PCDHA8: variants seen among roughly 807,000 people sequenced by gnomAD.
PCDHA8 encodes protocadherin alpha 8.
PCDHA8 carries 53 observed loss-of-function variants against 61.8 expected under a neutral mutation model. That is an observed-to-expected ratio of 0.86 (90% CI 0.69 to 1.08). The LOEUF (loss-of-function observed/expected upper bound fraction) is 1.08, where lower values mean the gene tolerates loss of function less well. Among genes scored for constraint, PCDHA8 ranks in the 50% least tolerant of loss-of-function variants. The pLI is 0.00. For synonymous variants in PCDHA8, 618 were observed against 556.6 expected, an observed-to-expected ratio of 1.11 and a Z score of -1.55; for missense variants, 1,293 against 1,245.0, an observed-to-expected ratio of 1.04 and a Z score of -0.58.
chr5:140,862,503 A>T (rs2047399158), intron 1 of PCDHA8: 5 of 398,958 alleles, frequency 1.3e-5, no homozygotes, highest in Non-Finnish European at 2.5e-5. Context: ...CGGAATGGGG[A>T]CTCGCTTTCA....
At chr5:140,938,336 A>G (rs1251086891) in intron 1 of PCDHA8, among the ~76,000 whole-genome samples, 1 of 152,204 alleles carries the variant, frequency 6.6e-6, no homozygotes, top group African/African-American at 2.4e-5. Context: ...ATGTTAATGG[A>G]TAATCTTGTC....
chr5:140,970,948 C>A (rs1339410112), intron 1 of PCDHA8, among the ~76,000 whole-genome samples: 2 of 152,114 alleles, frequency 1.3e-5, no homozygotes, highest in East Asian at 3.8e-4. Flanking sequence ...TGCTGAGAAA[C>A]CATGGGAGGC....
chr5:140,917,152 G>A (rs1407958115), intron 1 of PCDHA8, among the ~76,000 whole-genome samples: 1 of 152,012 alleles, frequency 6.6e-6, no homozygotes, highest in Admixed American at 6.6e-5. Context: ...GCTGCTGGGG[G>A]ATATGGGAGG....
At chr5:140,870,239 G>C (rs781847723) in intron 1 of PCDHA8, 6 of 1,614,134 alleles carry the variant, frequency 3.7e-6, no homozygotes, top group Non-Finnish European at 4.2e-6. Flanking sequence ...CGTGACTCAG[G>C]TGTCAACGGA....
chr5:140,933,677 T>A (rs1024721491), intron 1 of PCDHA8, among the ~76,000 whole-genome samples: 8 of 151,826 alleles, frequency 5.3e-5, no homozygotes, highest in African/African-American at 1.9e-4. Context: ...CTCTCTCACA[T>A]TTTTTTTCCT....
intron 3 of PCDHA8, among the ~76,000 whole-genome samples, chr5:140,984,413 CAGAGAT>C (rs1244237847): frequency 1.3e-5 from 2 of 152,148 alleles, no homozygotes; most frequent in African/African-American, 4.8e-5. Context: ...ATCTTTTTTA[CAGAGAT>C]AGAGAAGGGG....
intron 1 of PCDHA8, among the ~76,000 whole-genome samples, chr5:140,946,349 G>A (rs1412325014): frequency 6.6e-6 from 1 of 151,910 alleles, no homozygotes; most frequent in Non-Finnish European, 1.5e-5. Flanking sequence ...TGGAGAGGAT[G>A]TGGAGAAAAG....
intron 1 of PCDHA8, among the ~76,000 whole-genome samples, chr5:140,919,626 T>C (rs1554199177): frequency 6.6e-6 from 1 of 152,244 alleles, no homozygotes. Flanking sequence ...TTTTGAGTTA[T>C]TTTCACAGTA....
chr5:140,918,579 G>A (rs1396239560), intron 1 of PCDHA8, among the ~76,000 whole-genome samples: 1 of 152,112 alleles, frequency 6.6e-6, no homozygotes, highest in Admixed American at 6.5e-5. Flanking sequence ...GCTGCTATTG[G>A]CTATATGTTC....
intron 1 of PCDHA8, chr5:140,852,259 C>A: frequency 2.0e-6 from 1 of 509,052 alleles, no homozygotes; most frequent in Non-Finnish European, 2.6e-6. Flanking sequence ...TTGGAATATG[C>A]TACAATATTA....
Position 140,849,938 on chromosome 5 carries a change from C to A in PCDHA8, c.2394+6223C>A. The A allele has an allele frequency of 2.5e-6, 4 of 1,598,014 alleles. 1 individual carries two copies. Among genetic ancestry groups the A allele is most frequent in the Non-Finnish European group, 3.4e-6 (4 of 1,167,752 alleles). On this transcript the variant is annotated intron_variant, in intron 1 of 3. Transcript: ENST00000531613. ...ACATCTTCACGGTGTCTGCGCGGGACGCTGACGCGCAGGAGAACGCCCTGG... is the reference window on the plus strand; with the variant it reads ...ACATCTTCACGGTGTCTGCGCGGGAAGCTGACGCGCAGGAGAACGCCCTGG...
intron 1 of PCDHA8, among the ~76,000 whole-genome samples, chr5:140,952,315 G>T (rs2094717881): frequency 6.8e-6 from 1 of 147,138 alleles, no homozygotes; most frequent in Non-Finnish European, 1.5e-5. Context: ...TCCAGCCTGG[G>T]CAACAAGAGT....
At chr5:140,856,015 G>T (rs781811609) in intron 1 of PCDHA8, 3 of 1,550,260 alleles carry the variant, frequency 1.9e-6, no homozygotes, top group Non-Finnish European at 2.6e-6. Flanking sequence ...CTAGACCGCT[G>T]ATTCGTCGAT....
At chr5:140,925,190 A>G (rs2082378036) in intron 1 of PCDHA8, among the ~76,000 whole-genome samples, 1 of 152,192 alleles carries the variant, frequency 6.6e-6, no homozygotes, top group Non-Finnish European at 1.5e-5. Context: ...ACCATCACCC[A>G]GCTTCAATAA....
At chr5:140,939,428 G>A (rs1417323934) in intron 1 of PCDHA8, among the ~76,000 whole-genome samples, 2 of 152,128 alleles carry the variant, frequency 1.3e-5, no homozygotes, top group Admixed American at 6.5e-5. Flanking sequence ...TCTTCCATAA[G>A]CATTTGAAGA....
Position 140,843,051 on chromosome 5 carries a change from C to G in PCDHA8, c.1730C>G (p.Ala577Gly), listed in dbSNP as rs2150351121. ...EPRVGGTGGA[A>G]SKLVPRSVGA... ...CGGGTGGGTGGCACTGGTGGCGCAG[C>G]GAGCAAGCTGGTGCCGCGGTCTGTG... The change falls in exon 1 of 4, where the codon GCG becomes GGG. Residue 577 changes from alanine (A) to glycine (G), a missense_variant. Transcript: ENST00000531613. 14 of 1,594,994 alleles carry G rather than the reference C, an allele frequency of 8.8e-6. 2 individuals carry two copies. The highest frequency in any genetic ancestry group is 2.2e-5 in the South Asian group (2 of 90,478).
chr5:141,005,691 A>G (rs1481537036), intron 3 of PCDHA8, among the ~76,000 whole-genome samples: 1 of 134,408 alleles, frequency 7.4e-6, no homozygotes, highest in Non-Finnish European at 1.6e-5. Flanking sequence ...GACAGAGCGA[A>G]ACTCCGTCTC....
intron 1 of PCDHA8, among the ~76,000 whole-genome samples, chr5:140,924,871 G>C: frequency 6.7e-6 from 1 of 149,164 alleles, no homozygotes; most frequent in Non-Finnish European, 1.5e-5. Flanking sequence ...CTCCAGCCTG[G>C]GTGACAGAGC....
At chr5:140,918,971 T>C (rs1342049692) in intron 1 of PCDHA8, among the ~76,000 whole-genome samples, 3 of 152,234 alleles carry the variant, frequency 2.0e-5, no homozygotes, top group Admixed American at 6.5e-5. Flanking sequence ...AGATATCGTT[T>C]AGGTTAGTTG....
Sources: allele counts gnomAD v4.1 joint callset (sites outside exome capture counted in the v4.1 genomes callset), GRCh38; gene constraint gnomAD v4.1.1; transcripts MANE v1.5; gene names NCBI Gene and HGNC (gene_info 2026-07-23, HGNC 2026-07-21).